CCDC71: variants seen among roughly 807,000 people sequenced by gnomAD.
The protein encoded by CCDC71 is coiled-coil domain-containing protein 71.
For synonymous variants in CCDC71, 257 were observed against 242.2 expected, an observed-to-expected ratio of 1.06 and a Z score of -0.57; for missense variants, 594 against 604.0, an observed-to-expected ratio of 0.98 and a Z score of 0.17.
chr3:49,163,684 G>C lies in CCDC71; in HGVS notation c.525C>G (p.Leu175=). The C allele has an allele frequency of 6.2e-7, 1 of 1,614,108 alleles. No homozygotes were observed. The highest frequency in any genetic ancestry group is 8.5e-7 in the Non-Finnish European group (1 of 1,180,038). Residue 175 remains leucine (L), a synonymous_variant, in exon 2 of 2, where the codon CTC becomes CTG. Transcript: ENST00000321895. ...LYPGVYPAMR[L]SVVLEALVPL... ...GAACCAGGGCCTCAAGGACAACAGA[G>C]AGCCGCATGGCAGGGTAGACACCTG...
Position 49,162,621 on chromosome 3 carries a change from TCCCGCC to T in CCDC71, c.*178_*183del. ...GTGCATCGCGCCATGAAAACACCCC[TCCCGCC>T]CACCCACCCCACCGTACCCCACCCA... On this transcript the variant is annotated 3_prime_UTR_variant, in exon 2 of 2. Transcript: ENST00000321895. 1 of 28,832 alleles carries T rather than the reference TCCCGCC, an allele frequency of 3.5e-5. No homozygotes were observed. Among genetic ancestry groups the T allele is most frequent in the Non-Finnish European group, 6.3e-5 (1 of 15,768 alleles). The allele number at this position is 28,832 out of a possible 1,614,324, so 1.8% of individuals were successfully genotyped here. A position where few individuals can be genotyped will look rare whatever the true frequency, so the allele number is the denominator to read the frequency against.
Position 49,163,827 on chromosome 3 carries a change from C to T in CCDC71, c.382G>A (p.Ala128Thr), listed in dbSNP as rs2045707798. The T allele has an allele frequency of 1.2e-6, 2 of 1,614,094 alleles. No individual in the cohort carries two copies. Among genetic ancestry groups the T allele is most frequent in the Admixed American group, 1.7e-5 (1 of 60,008 alleles). Reference sequence around the variant, plus strand: ...TGCTTGGCAAGGGCTGGTGTGGATGCTTTGGCCAGTCTGCCAGATAGCGGC... The same window carrying T: ...TGCTTGGCAAGGGCTGGTGTGGATGTTTTGGCCAGTCTGCCAGATAGCGGC... ...PMPLSGRLAK[A>T]STPALAKHAT... The change falls in exon 2 of 2, where the codon GCA becomes ACA. Residue 128 changes from alanine to threonine, a missense_variant. Physicochemically the swap from Ala to Thr is moderately conservative, Grantham distance 58. Coordinates refer to ENST00000321895, the MANE Select transcript of CCDC71 (RefSeq NM_022903.4).
chr3:49,164,698 C>T (rs1310375029), intron 1 of CCDC71, among the ~76,000 whole-genome samples: 1 of 152,152 alleles, frequency 6.6e-6, no homozygotes, highest in East Asian at 1.9e-4. Flanking sequence ...CTCAGTTTGC[C>T]AATGGGTCAG....
intron 1 of CCDC71, among the ~76,000 whole-genome samples, chr3:49,165,499 C>CCT (rs1329393228): frequency 6.6e-6 from 1 of 152,258 alleles, no homozygotes; most frequent in African/African-American, 2.4e-5. Context: ...GTCCCTCGGG[C>CCT]CATGAGGCCC....
chr3:49,163,844 G>C lies in CCDC71; in HGVS notation c.365C>G (p.Ser122Cys), dbSNP rs1343454449. 1 of 1,614,102 alleles carries C rather than the reference G, an allele frequency of 6.2e-7. No individual in the cohort carries two copies. Among genetic ancestry groups the C allele is most frequent in the Non-Finnish European group, 8.5e-7 (1 of 1,180,040 alleles). The change falls in exon 2 of 2, where the codon TCT becomes TGT. Residue 122 changes from serine to cysteine, a missense_variant. Coordinates refer to ENST00000321895, the MANE Select transcript of CCDC71 (RefSeq NM_022903.4). ...GRATLLPMPL[S>C]GRLAKASTPA... ...TGTGGATGCTTTGGCCAGTCTGCCA[G>C]ATAGCGGCATGGGAAGCAGTGTGGC...
chr3:49,163,815 C>T lies in CCDC71; in HGVS notation c.394G>A (p.Ala132Thr), dbSNP rs745468111. ...TTGGTGGTAGCATGCTTGGCAAGGG[C>T]TGGTGTGGATGCTTTGGCCAGTCTG... The part of the protein sequence containing the change: ...SGRLAKASTP[A>T]LAKHATTNLL... Residue 132 changes from alanine to threonine, a missense_variant, in exon 2 of 2, where the codon GCC (alanine) becomes ACC (threonine). Coordinates refer to ENST00000321895, the MANE Select transcript of CCDC71 (RefSeq NM_022903.4). 4.2e-5 allele frequency: 68 copies of T among 1,614,126 alleles called. No individual in the cohort carries two copies. The highest frequency in any genetic ancestry group is 5.8e-5 in the Non-Finnish European group (68 of 1,180,026).
chr3:49,163,467 G>C lies in CCDC71; in HGVS notation c.742C>G (p.Pro248Ala). 1 of 1,614,250 alleles carries C rather than the reference G, an allele frequency of 6.2e-7. No individual in the cohort carries two copies. Among genetic ancestry groups the C allele is most frequent in the Non-Finnish European group, 8.5e-7 (1 of 1,180,042 alleles). Residue 248 changes from proline (P) to alanine (A), a missense_variant, in exon 2 of 2, where the codon CCC becomes GCC. By Grantham distance (27) the Pro-to-Ala change is conservative. Coordinates refer to ENST00000321895, the MANE Select transcript of CCDC71 (RefSeq NM_022903.4). Reference sequence around the variant, plus strand: ...CTCTGGTGCCCAGAGCCTCGTCGGGGTCCAGCCCCAGGGCCTTTGCGAGTC... The same window carrying C: ...CTCTGGTGCCCAGAGCCTCGTCGGGCTCCAGCCCCAGGGCCTTTGCGAGTC... The part of the protein sequence containing the change: ...CLTRKGPGAG[P>A]RRGSGHQSKT...
At chr3:49,165,176 A>AG (rs1033007625) in intron 1 of CCDC71, among the ~76,000 whole-genome samples, 3 of 152,232 alleles carry the variant, frequency 2.0e-5, no homozygotes, top group Non-Finnish European at 4.4e-5. Context: ...CAGGCAGACC[A>AG]GGGACCAGGA....
rs771754904 is a variant in CCDC71 at position 49,162,931 on chromosome 3, G to A, written c.1278C>T (p.Phe426=). The change falls in exon 2 of 2, where the codon TTC becomes TTT. Residue 426 remains phenylalanine, a synonymous_variant. Coordinates refer to ENST00000321895, the MANE Select transcript of CCDC71 (RefSeq NM_022903.4). ...ACCGCCTATCTACCTTTATGGCACG[G>A]AACTTCAGCAGCTTTGCTGTTCCAG... ...LGPGTAKLLK[F]RAIKVDRRSS... is the part of the protein sequence containing the mutation. The A allele has an allele frequency of 1.2e-6, 2 of 1,614,262 alleles. No homozygotes were observed. The highest frequency in any genetic ancestry group is 4.5e-5 in the East Asian group (2 of 44,882).
In CCDC71 at chr3:49,164,278, AAG is replaced by A; in HGVS notation, c.-52-20_-52-19del. On this transcript the variant is annotated intron_variant, in intron 1 of 1. Coordinates refer to ENST00000321895, the MANE Select transcript of CCDC71 (RefSeq NM_022903.4). ...CTTGGCACCTCCAAGACAAGAGGAAAAGAGTCAATAAGAATGGCACTAAGACA... is the reference window on the plus strand; with the variant it reads ...CTTGGCACCTCCAAGACAAGAGGAAAAGTCAATAAGAATGGCACTAAGACA... 1 of 1,454,094 alleles carries A rather than the reference AAG, an allele frequency of 6.9e-7. No individual in the cohort carries two copies. The highest frequency in any genetic ancestry group is 1.8e-5 in the Admixed American group (1 of 54,430). The allele number at this position is 1,454,094 out of a possible 1,614,324, so 90.1% of individuals were successfully genotyped here.
chr3:49,164,397 C>A, intron 1 of CCDC71, 137 bp from the exon 2 acceptor site: 1 of 621,910 alleles, frequency 1.6e-6, no homozygotes, highest in Admixed American at 2.9e-5. Flanking sequence ...TGGTGTAAAA[C>A]CCTGGTCTCC....
chr3:49,165,706 G>A (rs564075477), intron 1 of CCDC71, among the ~76,000 whole-genome samples: 7 of 152,374 alleles, frequency 4.6e-5, no homozygotes, highest in Admixed American at 2.0e-4. Flanking sequence ...TTTTTTGAAG[G>A]GATGTAGTTC....
Position 49,163,507 on chromosome 3 carries a change from C to G in CCDC71, c.702G>C (p.Lys234Asn), listed in dbSNP as rs1451663733. Residue 234 changes from lysine (K) to asparagine (N), a missense_variant, in exon 2 of 2, where the codon AAG becomes AAC. By Grantham distance (94) the Lys-to-Asn change is moderately conservative. Transcript: ENST00000321895. ...RPKAPRKTTSKGPKCLTRKGP... is the reference protein window; with the variant it reads ...RPKAPRKTTSNGPKCLTRKGP... ...CTTTGCGAGTCAGACACTTGGGGCC[C>G]TTGCTTGTGGTTTTTCTGGGAGCTT... The G allele has an allele frequency of 5.0e-6, 8 of 1,614,242 alleles. No homozygotes were observed. The highest frequency in any genetic ancestry group is 6.8e-6 in the Non-Finnish European group (8 of 1,180,034).
At position 49,163,451 on chromosome 3, in the gene CCDC71, C is replaced by G. The variant is rs373815701; in HGVS notation, c.758G>C (p.Gly253Ala). The G allele has an allele frequency of 1.9e-6, 3 of 1,614,250 alleles. No homozygotes were observed. Among genetic ancestry groups the G allele is most frequent in the Non-Finnish European group, 2.5e-6 (3 of 1,180,050 alleles). The change falls in exon 2 of 2, where the codon GGG becomes GCG. Residue 253 changes from glycine to alanine, a missense_variant. Gly to Ala is a moderately conservative substitution (Grantham distance 60). Transcript: ENST00000321895. ...GPGAGPRRGS[G>A]HQSKTNRATG... The stretch of plus-strand genomic sequence containing the variant: ...GGCTCTGTTGGTTTTGCTCTGGTGC[C>G]CAGAGCCTCGTCGGGGTCCAGCCCC...
chr3:49,163,490 G>C lies in CCDC71; in HGVS notation c.719C>G (p.Thr240Ser), dbSNP rs2045705165. The change falls in exon 2 of 2, where the codon ACT becomes AGT. Residue 240 changes from threonine to serine, a missense_variant. By Grantham distance (58) the Thr-to-Ser change is moderately conservative. Transcript: ENST00000321895. ...GGGTCCAGCCCCAGGGCCTTTGCGAGTCAGACACTTGGGGCCCTTGCTTGT... is the reference window on the plus strand; with the variant it reads ...GGGTCCAGCCCCAGGGCCTTTGCGACTCAGACACTTGGGGCCCTTGCTTGT... Reference protein sequence around the residue: ...KTTSKGPKCLTRKGPGAGPRR... With the variant: ...KTTSKGPKCLSRKGPGAGPRR... 1 of 1,614,142 alleles carries C rather than the reference G, an allele frequency of 6.2e-7. No individual in the cohort carries two copies. The highest frequency in any genetic ancestry group is 8.5e-7 in the Non-Finnish European group (1 of 1,180,058).
Position 49,162,771 on chromosome 3 carries a change from G to A in CCDC71, c.*34C>T, listed in dbSNP as rs769236170. On this transcript the variant is annotated 3_prime_UTR_variant, in exon 2 of 2. Coordinates refer to ENST00000321895, the MANE Select transcript of CCDC71 (RefSeq NM_022903.4). ...TGCCACTAGCCACACAGACAGCTGG[G>A]CTTAGTTTCCCCAAACATTGCCGTG... The A allele has an allele frequency of 1.3e-5, 20 of 1,594,636 alleles. No homozygotes were observed. In the Admixed American group the frequency reaches 3.2e-4, roughly 26 times the overall value.
Position 49,163,078 on chromosome 3 carries a change from C to A in CCDC71, c.1131G>T (p.Lys377Asn). ...KGSAKARTTRKGQKNRPETVG... is the reference protein window; with the variant it reads ...KGSAKARTTRNGQKNRPETVG... ...CAGTCTCAGGGCGGTTTTTCTGGCC[C>A]TTCCTTGTAGTTCTGGCCTTAGCAG... Residue 377 changes from lysine (K) to asparagine (N), a missense_variant, in exon 2 of 2, where the codon AAG (lysine) becomes AAT (asparagine). Lys to Asn is a moderately conservative substitution (Grantham distance 94). Coordinates refer to ENST00000321895, the MANE Select transcript of CCDC71 (RefSeq NM_022903.4). The A allele has an allele frequency of 6.2e-7, 1 of 1,614,264 alleles. No individual in the cohort carries two copies. The highest frequency in any genetic ancestry group is 8.5e-7 in the Non-Finnish European group (1 of 1,180,046).
rs773019640 is a variant in CCDC71 at position 49,163,595 on chromosome 3, A to G, written c.614T>C (p.Leu205Pro). The change falls in exon 2 of 2, where the codon CTT (leucine) becomes CCT (proline). Residue 205 changes from leucine to proline, a missense_variant. By Grantham distance (98) the Leu-to-Pro change is moderately conservative (BLOSUM62 -3). Coordinates refer to ENST00000321895, the MANE Select transcript of CCDC71 (RefSeq NM_022903.4). ...CCGCAGTTTCAGAGGAGAGTCTGCA[A>G]GTGAGAGCTGCAGTGACTGTGCCTT... ...KHKAQSLQLS[L>P]ADSPLKLRKS... The G allele has an allele frequency of 6.2e-7, 1 of 1,614,098 alleles. No homozygotes were observed. Among genetic ancestry groups the G allele is most frequent in the East Asian group, 2.2e-5 (1 of 44,902 alleles).
rs1333275494 is a variant in CCDC71, at chr3:49,163,958, G to A, written c.251C>T (p.Thr84Met). The change falls in exon 2 of 2, where the codon ACG becomes ATG. Residue 84 changes from threonine (T) to methionine (M), a missense_variant. Coordinates refer to ENST00000321895, the MANE Select transcript of CCDC71 (RefSeq NM_022903.4). ...GTTAGGGGCACGAGCTTGCAGTTTC[G>A]TCTGGCTTGGGGGATTAGCTGTGCA... The part of the protein sequence containing the change: ...SSCTANPPSQ[T>M]KLQARAPNPT... The A allele has an allele frequency of 2.5e-6, 4 of 1,614,190 alleles. No individual in the cohort carries two copies. The highest frequency in any genetic ancestry group is 1.3e-5 in the African/African-American group (1 of 75,040).
Sources: allele counts gnomAD v4.1 joint callset (sites outside exome capture counted in the v4.1 genomes callset), GRCh38; gene constraint gnomAD v4.1.1; transcripts MANE v1.5; gene names NCBI Gene and HGNC (gene_info 2026-07-23, HGNC 2026-07-21).